USP37: variants seen among roughly 807,000 people sequenced by gnomAD.
USP37 encodes ubiquitin specific peptidase 37.
Under a neutral mutation model 124.0 loss-of-function variants are expected in USP37, and 27 were observed. That is an observed-to-expected ratio of 0.22 (90% CI 0.16 to 0.30). The LOEUF (loss-of-function observed/expected upper bound fraction) is 0.30. Ranked by LOEUF, USP37 falls within the 10% of genes least tolerant of loss-of-function variation. The pLI is 1.00. For missense variants in USP37, 889 were observed against 1,140.4 expected, an observed-to-expected ratio of 0.78 and a Z score of 3.17; for synonymous variants, 365 against 388.0, an observed-to-expected ratio of 0.94 and a Z score of 0.70.
chr2:218,499,580 C>T (rs1008182526), intron 11 of USP37, among the ~76,000 whole-genome samples: 23 of 152,086 alleles, frequency 1.5e-4, no homozygotes, highest in African/African-American at 5.1e-4. Context: ...ATCTAATATA[C>T]GTTTCTTAAT....
At position 218,509,306 on chromosome 2, in the gene USP37, T is replaced by A. The variant is rs1689850638; in HGVS notation, c.1025+673A>T. Among the ~76,000 whole-genome samples, 3 of 152,198 alleles carry A rather than the reference T, an allele frequency of 2.0e-5. No homozygotes were observed. In the South Asian group the frequency reaches 6.2e-4, roughly 32 times the overall value. ...TACTGACTATATCACTTTGAGCAAG[T>A]TAATTAACTTTGCTAAGCCTTATTT... On this transcript the variant is annotated intron_variant, in intron 11 of 25. Coordinates refer to ENST00000258399, the MANE Select transcript of USP37 (RefSeq NM_020935.3).
At chr2:218,510,754 A>C (rs1240230440) in intron 10 of USP37, among the ~76,000 whole-genome samples, 2 of 152,120 alleles carry the variant, frequency 1.3e-5, no homozygotes, top group African/African-American at 4.8e-5. Context: ...GTACTTTGGG[A>C]GGCCAAGGTG....
At chr2:218,486,800 ACTT>A (rs1342706663) in intron 15 of USP37, among the ~76,000 whole-genome samples, 3 of 151,768 alleles carry the variant, frequency 2.0e-5, no homozygotes, top group Non-Finnish European at 4.4e-5. Flanking sequence ...ATCTCGGCTC[ACTT>A]CAAGCTCCAC....
intron 10 of USP37, among the ~76,000 whole-genome samples, chr2:218,526,268 G>C (rs1690958667): frequency 6.6e-6 from 1 of 152,008 alleles, no homozygotes; most frequent in African/African-American, 2.4e-5. Flanking sequence ...GTCTTGCTCT[G>C]TTGCCCAGGT....
At chr2:218,506,534 A>G (rs1028676602) in intron 11 of USP37, among the ~76,000 whole-genome samples, 5 of 148,374 alleles carry the variant, frequency 3.4e-5, no homozygotes, top group Admixed American at 6.7e-5. Context: ...CAGGCGATCC[A>G]TGCACCTCCC....
At chr2:218,511,185 G>A (rs1238375066) in intron 10 of USP37, among the ~76,000 whole-genome samples, 6 of 151,902 alleles carry the variant, frequency 3.9e-5, no homozygotes, top group African/African-American at 1.5e-4. Flanking sequence ...TGTCACCCAG[G>A]CTGAAGTGCA....
chr2:218,530,105 A>C, intron 9 of USP37, 65 bp from the exon 10 acceptor site: 1 of 1,270,808 alleles, frequency 7.9e-7, no homozygotes, highest in South Asian at 1.3e-5. Flanking sequence ...TCATTTAATA[A>C]TAAAAGTATA....
rs1224826853 is a variant in USP37 at position 218,568,302 on chromosome 2, C to T, written c.-354G>A. On this transcript the variant is annotated 5_prime_UTR_variant, in exon 1 of 26. Coordinates refer to ENST00000258399, the MANE Select transcript of USP37 (RefSeq NM_020935.3). ...CCAAAGGAGGGAGGCCGCTAGCTAC[C>T]CCTAGTCAGGGAGAGCGGCTGATGG... The T allele has an allele frequency of 6.5e-6, 1 of 152,674 alleles. No individual in the cohort carries two copies. Among genetic ancestry groups the T allele is most frequent in the African/African-American group, 2.4e-5 (1 of 41,452 alleles). The allele number at this position is 152,674 out of a possible 1,614,324, so 9.5% of individuals were successfully genotyped here. A position where few individuals can be genotyped will look rare whatever the true frequency, so the allele number is the denominator to read the frequency against.
chr2:218,472,896 T>C (rs746720490), intron 20 of USP37, among the ~76,000 whole-genome samples: 1 of 152,196 alleles, frequency 6.6e-6, no homozygotes, highest in Non-Finnish European at 1.5e-5. Flanking sequence ...GTTTCCAAAA[T>C]ATTTTTTGTA....
intron 8 of USP37, among the ~76,000 whole-genome samples, chr2:218,541,040 C>T (rs570988767): frequency 1.3e-5 from 2 of 152,248 alleles, no homozygotes; most frequent in East Asian, 3.9e-4. Context: ...GGGTGGCCTT[C>T]AAGATACCAA....
chr2:218,456,317 G>A (rs1315938246), intron 24 of USP37, among the ~76,000 whole-genome samples: 1 of 151,962 alleles, frequency 6.6e-6, no homozygotes, highest in African/African-American at 2.4e-5. Flanking sequence ...CAGGTGTGGT[G>A]GCATGCACGT....
At chr2:218,529,167 T>A (rs1214627855) in intron 10 of USP37, among the ~76,000 whole-genome samples, 2 of 152,146 alleles carry the variant, frequency 1.3e-5, no homozygotes, top group South Asian at 4.1e-4. Context: ...TAAGTAGCTA[T>A]CACTACAGGC....
chr2:218,487,683 T>C (rs1307405694), intron 15 of USP37, among the ~76,000 whole-genome samples: 1 of 152,124 alleles, frequency 6.6e-6, no homozygotes, highest in East Asian at 1.9e-4. Context: ...CCTCCCAAAG[T>C]GCTGGGATTA....
Position 218,466,298 on chromosome 2 carries a change from C to A in USP37, c.2300-122G>T, listed in dbSNP as rs775399435. On this transcript the variant is annotated intron_variant, in intron 20 of 25. Coordinates refer to ENST00000258399, the MANE Select transcript of USP37 (RefSeq NM_020935.3). ...AATTTCATCTATAATTTGCTTAGGA[C>A]ATACAATTTCACCTTACTAGATCTA... The A allele has an allele frequency of 3.2e-4, 345 of 1,090,104 alleles. 1 individual carries two copies. Among genetic ancestry groups the A allele is most frequent in the Non-Finnish European group, 4.2e-4 (326 of 782,108 alleles). The allele number at this position is 1,090,104 out of a possible 1,614,324, so 67.5% of individuals were successfully genotyped here. A position where few individuals can be genotyped will look rare whatever the true frequency, so the allele number is the denominator to read the frequency against.
At chr2:218,557,833 A>G (rs1693090117) in intron 4 of USP37, among the ~76,000 whole-genome samples, 1 of 142,060 alleles carries the variant, frequency 7.0e-6, no homozygotes, top group African/African-American at 2.6e-5. Flanking sequence ...CAGGAGGCTG[A>G]GGCAGGAGAA....
intron 17 of USP37, among the ~76,000 whole-genome samples, chr2:218,480,208 C>T (rs1691186902): frequency 6.6e-6 from 1 of 150,618 alleles, no homozygotes; most frequent in African/African-American, 2.4e-5. Flanking sequence ...ACCATCCTGG[C>T]TAACATAGTG....
chr2:218,461,632 G>A (rs1421851841), intron 22 of USP37, among the ~76,000 whole-genome samples: 1 of 152,176 alleles, frequency 6.6e-6, no homozygotes, highest in African/African-American at 2.4e-5. Context: ...GAAAGCCAAA[G>A]CCATACCCCA....
intron 8 of USP37, among the ~76,000 whole-genome samples, chr2:218,539,220 A>G (rs1464431804): frequency 6.6e-6 from 1 of 151,912 alleles, no homozygotes. Context: ...CTGCCTCCCA[A>G]AGTGCTGGGA....
At chr2:218,526,443 C>T (rs1057356640) in intron 10 of USP37, among the ~76,000 whole-genome samples, 2 of 151,980 alleles carry the variant, frequency 1.3e-5, no homozygotes, top group African/African-American at 4.8e-5. Flanking sequence ...CCATGTTGCC[C>T]AGGCTGGTTC....
Sources: allele counts gnomAD v4.1 joint callset (sites outside exome capture counted in the v4.1 genomes callset), GRCh38; gene constraint gnomAD v4.1.1; transcripts MANE v1.5; gene names NCBI Gene and HGNC (gene_info 2026-07-23, HGNC 2026-07-21).